Variants in RAB10 observed in about 807,000 individuals in gnomAD.
RAB10 encodes the protein ras-related protein Rab-10.
Under a neutral mutation model 25.7 loss-of-function variants are expected in RAB10, and 5 were observed. The ratio of observed to expected loss-of-function variants is 0.19; its 90% CI spans 0.10 to 0.41. The LOEUF is 0.41. RAB10 is among the 10% of genes least tolerant of loss of function. The pLI is 1.00. For synonymous variants in RAB10, 89 were observed against 86.4 expected (o/e 1.03, Z -0.16); for missense variants, 103 against 245.8 (o/e 0.42, Z 3.89).
intron 1 of RAB10, among the ~76,000 whole-genome samples, chr2:26,061,329 C>T (rs1666390756): frequency 6.6e-6 from 1 of 151,908 alleles, no homozygotes; most frequent in Non-Finnish European, 1.5e-5. Flanking sequence ...GTTGCCCAGG[C>T]TGGTGTTGAA....
At chr2:26,038,267 G>C (rs1383098279) in intron 1 of RAB10, among the ~76,000 whole-genome samples, 1 of 149,968 alleles carries the variant, frequency 6.7e-6, no homozygotes, top group Admixed American at 6.7e-5. Flanking sequence ...CACAATCTCT[G>C]TTCACTGCAA....
chr2:26,127,976 C>G, intron 5 of RAB10, 25 bp downstream of exon 5: 1 of 1,496,680 alleles, frequency 6.7e-7, no homozygotes, highest in Non-Finnish European at 9.3e-7. Context: ...TTATATCCTG[C>G]CAGGTACCTG....
chr2:26,128,019 A>G, intron 5 of RAB10, 68 bp downstream of exon 5: 1 of 1,318,450 alleles, frequency 7.6e-7, no homozygotes, highest in Non-Finnish European at 1.1e-6. Context: ...TCTATTCTGA[A>G]GTACTGGATT....
chr2:26,087,919 A>G (rs541932830), intron 1 of RAB10, among the ~76,000 whole-genome samples: 2 of 152,302 alleles, frequency 1.3e-5, no homozygotes, highest in Non-Finnish European at 2.9e-5. Flanking sequence ...CATACAGATA[A>G]AGAAACAAAT....
At chr2:26,110,560 C>T (rs866457133) in intron 3 of RAB10, among the ~76,000 whole-genome samples, 6 of 151,700 alleles carry the variant, frequency 4.0e-5, no homozygotes, top group East Asian at 3.9e-4. Flanking sequence ...ATGAAATGTC[C>T]GGTAGTAATT....
intron 1 of RAB10, among the ~76,000 whole-genome samples, chr2:26,097,268 A>G (rs1667242282): frequency 6.6e-6 from 1 of 151,958 alleles, no homozygotes; most frequent in African/African-American, 2.4e-5. Context: ...TATGACCTCA[A>G]TACTCTTTTC....
At chr2:26,088,930 A>C (rs1266357934) in intron 1 of RAB10, among the ~76,000 whole-genome samples, 1 of 151,280 alleles carries the variant, frequency 6.6e-6, no homozygotes, top group African/African-American at 2.4e-5. Flanking sequence ...GCTTATCTTC[A>C]GTTTTTCTTA....
intron 1 of RAB10, among the ~76,000 whole-genome samples, chr2:26,067,276 A>G (rs1367726515): frequency 6.6e-6 from 1 of 152,108 alleles, no homozygotes; most frequent in East Asian, 1.9e-4. Flanking sequence ...TTAAATATAT[A>G]CTTGAGTGCA....
chr2:26,100,674 C>T (rs1014351783), intron 2 of RAB10, among the ~76,000 whole-genome samples: 1 of 151,992 alleles, frequency 6.6e-6, no homozygotes, highest in South Asian at 2.1e-4. Flanking sequence ...ATTTCATAAC[C>T]CTGTGTTTTT....
At chr2:26,100,104 G>A (rs1032092636) in intron 2 of RAB10, among the ~76,000 whole-genome samples, 20 of 152,088 alleles carry the variant, frequency 1.3e-4, no homozygotes, top group African/African-American at 4.6e-4. Flanking sequence ...CTGTTGCCCA[G>A]GGCTAAAAAT....
At chr2:26,086,023 G>GT (rs1363084762) in intron 1 of RAB10, among the ~76,000 whole-genome samples, 1 of 140,462 alleles carries the variant, frequency 7.1e-6, no homozygotes, top group East Asian at 2.4e-4. Flanking sequence ...AAAAAGGGGG[G>GT]GGGCAAAGGG....
chr2:26,129,807 CA>C (rs1667976371), intron 5 of RAB10, among the ~76,000 whole-genome samples: 1 of 152,008 alleles, frequency 6.6e-6, no homozygotes, highest in African/African-American at 2.4e-5. Flanking sequence ...CCAGTCAGAT[CA>C]AAAATTGAAT....
chr2:26,045,461 G>T (rs556773040), intron 1 of RAB10, among the ~76,000 whole-genome samples: 3 of 151,640 alleles, frequency 2.0e-5, no homozygotes, highest in African/African-American at 4.8e-5. Context: ...GGATGGTCTC[G>T]ATCTCCTGAC....
chr2:26,084,623 T>A (rs1053292614), intron 1 of RAB10, among the ~76,000 whole-genome samples: 1 of 152,202 alleles, frequency 6.6e-6, no homozygotes, highest in African/African-American at 2.4e-5. Flanking sequence ...AGTGTGCACA[T>A]GGAATTCATC....
chr2:26,115,548 A>G (rs1200590988), intron 3 of RAB10, among the ~76,000 whole-genome samples: 1 of 152,158 alleles, frequency 6.6e-6, no homozygotes, highest in African/African-American at 2.4e-5. Flanking sequence ...AGAGACAGAA[A>G]GTAGATTCAT....
At chr2:26,129,481 G>T (rs1291924040) in intron 5 of RAB10, among the ~76,000 whole-genome samples, 1 of 152,086 alleles carries the variant, frequency 6.6e-6, no homozygotes, top group Non-Finnish European at 1.5e-5. Context: ...CACTTTGGAA[G>T]GACAGAGACA....
intron 5 of RAB10, among the ~76,000 whole-genome samples, chr2:26,128,362 G>T (rs1667943961): frequency 6.6e-6 from 1 of 152,154 alleles, no homozygotes; most frequent in Non-Finnish European, 1.5e-5. Context: ...TTCTTAACAG[G>T]CCACGGACCG....
At chr2:26,061,090 G>A (rs1287535822) in intron 1 of RAB10, among the ~76,000 whole-genome samples, 1 of 85,046 alleles carries the variant, frequency 1.2e-5, no homozygotes, top group Non-Finnish European at 2.4e-5. Context: ...ATTTATCTCT[G>A]TCTTTTTTTT....
chr2:26,069,354 A>T (rs1259153427), intron 1 of RAB10, among the ~76,000 whole-genome samples: 3 of 152,140 alleles, frequency 2.0e-5, no homozygotes, highest in African/African-American at 7.2e-5. Flanking sequence ...ACTTTTTGAG[A>T]CATATCCTGA....
Sources: allele counts gnomAD v4.1 joint callset (sites outside exome capture counted in the v4.1 genomes callset), GRCh38; gene constraint gnomAD v4.1.1; transcripts MANE v1.5; gene names NCBI Gene and HGNC (gene_info 2026-07-23, HGNC 2026-07-21).